Variants in ABHD2 observed in about 807,000 individuals in gnomAD.
ABHD2 encodes the protein monoacylglycerol lipase ABHD2.
In ABHD2, 20 loss-of-function variants were observed where a neutral mutation model predicts 48.1. That is an observed-to-expected ratio of 0.42 (90% CI 0.29 to 0.60). ABHD2 has a LOEUF of 0.60. Ranked by LOEUF, ABHD2 falls within the 20% of genes least tolerant of loss-of-function variation. The probability of loss-of-function intolerance (pLI) is 0.24; values close to 1 mark genes in which losing one functional copy is unlikely to be tolerated. For missense variants in ABHD2, 405 were observed against 550.9 expected, an observed-to-expected ratio of 0.74 and a Z score of 2.65; for synonymous variants, 209 against 214.2, an observed-to-expected ratio of 0.98 and a Z score of 0.21.
rs140681052 is a variant in ABHD2, at chr15:89,189,020, A to G, written c.926+717A>G. Among the ~76,000 whole-genome samples the G allele has an allele frequency of 2.1e-3, 323 of 152,246 alleles. 1 individual carries two copies. Among genetic ancestry groups the G allele is most frequent in the African/African-American group, 7.5e-3 (310 of 41,534 alleles). The stretch of plus-strand genomic sequence containing the variant: ...GTGAGACACAAATACTGCCCACTTC[A>G]TTCATCTACTCTTTATCTGCCTCTC... On this transcript the variant is annotated intron_variant, in intron 8 of 10. Coordinates refer to ENST00000352732, the MANE Select transcript of ABHD2 (RefSeq NM_152924.5). The surrounding 1 kb of genome is among the most constrained non-coding windows in gnomAD (Gnocchi z 4.9).
the ABHD2 span, among the ~76,000 whole-genome samples, chr15:89,076,680 C>T: frequency 3.1e-3 from 470 of 152,156 alleles, no homozygotes; most frequent in African/African-American, 0.011. Context: ...GATGAGGTCT[C>T]ACCATGTTGC....
the ABHD2 span, among the ~76,000 whole-genome samples, chr15:89,051,308 T>A: frequency 6.6e-6 from 1 of 152,198 alleles, no homozygotes; most frequent in African/African-American, 2.4e-5. Flanking sequence ...AAATCCTATA[T>A]ACCTCATACT....
At chr15:89,063,503 A>G in the ABHD2 span, among the ~76,000 whole-genome samples, 1 of 151,470 alleles carries the variant, frequency 6.6e-6, no homozygotes, top group African/African-American at 2.4e-5. Context: ...TTCTCAACTA[A>G]TCTCTGCCTC....
At chr15:89,172,385 G>T (rs1476170463) in intron 5 of ABHD2, among the ~76,000 whole-genome samples, 1 of 152,166 alleles carries the variant, frequency 6.6e-6, no homozygotes. Flanking sequence ...TTGTCCTTTT[G>T]TGAGTGGTTT....
chr15:89,095,894 G>T (rs1377646702), intron 1 of ABHD2, among the ~76,000 whole-genome samples: 1 of 152,136 alleles, frequency 6.6e-6, no homozygotes, highest in Admixed American at 6.5e-5. Flanking sequence ...ATAATATCAA[G>T]GTGCACCCAC....
chr15:89,056,967 G>T, the ABHD2 span, among the ~76,000 whole-genome samples: 1 of 136,612 alleles, frequency 7.3e-6, no homozygotes, highest in African/African-American at 2.7e-5. Context: ...AAGCTGGAGT[G>T]CAATGGCGCC....
the ABHD2 span, among the ~76,000 whole-genome samples, chr15:89,069,334 C>A: frequency 6.6e-6 from 1 of 151,830 alleles, no homozygotes; most frequent in African/African-American, 2.4e-5. Context: ...CACTATTTTT[C>A]CAAGGCTGGC....
At chr15:89,169,105 T>C (rs1025861839) in intron 5 of ABHD2, among the ~76,000 whole-genome samples, 3 of 151,914 alleles carry the variant, frequency 2.0e-5, no homozygotes, top group Non-Finnish European at 4.4e-5. Context: ...AAAATAAGAA[T>C]AAAAATAATA....
intron 1 of ABHD2, among the ~76,000 whole-genome samples, chr15:89,110,995 A>G (rs770966115): frequency 6.6e-6 from 1 of 152,324 alleles, no homozygotes; most frequent in East Asian, 1.9e-4. Context: ...GTAAGAGCAC[A>G]ATATATGTTA....
At chr15:89,078,725 C>CTTTTTTTTTTTTTTTT in the ABHD2 span, among the ~76,000 whole-genome samples, 1 of 143,678 alleles carries the variant, frequency 7.0e-6, no homozygotes, top group Non-Finnish European at 1.5e-5. Context: ...ACAATGTAGG[C>CTTTTTTTTTTTTTTTT]TTTTTTTTTT....
rs1215232103 is a variant in ABHD2 at position 89,137,158 on chromosome 15, A to T, written c.195-14519A>T. Among the ~76,000 whole-genome samples, 2 of 152,084 alleles carry T rather than the reference A, an allele frequency of 1.3e-5. No individual in the cohort carries two copies. Among genetic ancestry groups the T allele is most frequent in the Non-Finnish European group, 2.9e-5 (2 of 68,012 alleles). On this transcript the variant is annotated intron_variant, in intron 3 of 10. Coordinates refer to ENST00000352732, the MANE Select transcript of ABHD2 (RefSeq NM_152924.5). This position sits in a 1 kb window ranked among gnomAD's most constrained non-coding sequence, Gnocchi z 4.8. The stretch of plus-strand genomic sequence containing the variant: ...GGAACCCTGGAGACTGGAACTCTGG[A>T]GCTTCTTAATAAACTGCCTCCCTAC...
rs2050864943 is a variant in ABHD2 at position 89,168,133 on chromosome 15, G to A, written c.539-7679G>A. On this transcript the variant is annotated intron_variant, in intron 5 of 10. Transcript: ENST00000352732. This position sits in a 1 kb window ranked among gnomAD's most constrained non-coding sequence, Gnocchi z 4.8. ...GCTAGTGTCATTTGGGGAAGTGGCT[G>A]TTGAAATAATAGCTTTCAGGCAGCC... Among the ~76,000 whole-genome samples the A allele has an allele frequency of 6.6e-6, 1 of 152,192 alleles. No homozygotes were observed. The highest frequency in any genetic ancestry group is 6.5e-5 in the Admixed American group (1 of 15,282).
At position 89,175,227 on chromosome 15, in the gene ABHD2, C is replaced by T. The variant is rs553052388; in HGVS notation, c.539-585C>T. On this transcript the variant is annotated intron_variant, in intron 5 of 10. Coordinates refer to ENST00000352732, the MANE Select transcript of ABHD2 (RefSeq NM_152924.5). The surrounding 1 kb of genome is among the most constrained non-coding windows in gnomAD (Gnocchi z 5.7). ...GCTCTTGCATTTATTTATTTATTTA[C>T]TTATTTTATTTTTTTGAGACAGGGT... 6.6e-6 allele frequency among the ~76,000 whole-genome samples: 1 copy of T among 152,188 alleles called. No homozygotes were observed. Among genetic ancestry groups the T allele is most frequent in the Admixed American group, 6.5e-5 (1 of 15,284 alleles).
intron 3 of ABHD2, among the ~76,000 whole-genome samples, chr15:89,134,328 T>C (rs571319188): frequency 6.6e-6 from 1 of 152,356 alleles, no homozygotes; most frequent in African/African-American, 2.4e-5. Flanking sequence ...TTTATCCTGG[T>C]GTGAGGTGTG....
chr15:89,185,276 C>T lies in ABHD2; in HGVS notation c.723-148C>T, dbSNP rs1479965724. ...TCTCCACAGGTGTTTGAGCTCTGCACATTAGAGCCTCTGTTTTAATGCAGA... is the reference window on the plus strand; with the variant it reads ...TCTCCACAGGTGTTTGAGCTCTGCATATTAGAGCCTCTGTTTTAATGCAGA... On this transcript the variant is annotated intron_variant, in intron 6 of 10. Coordinates refer to ENST00000352732, the MANE Select transcript of ABHD2 (RefSeq NM_152924.5). This position sits in a 1 kb window ranked among gnomAD's most constrained non-coding sequence, Gnocchi z 5.9. 1 of 621,716 alleles carries T rather than the reference C, an allele frequency of 1.6e-6. No individual in the cohort carries two copies. The highest frequency in any genetic ancestry group is 2.8e-6 in the Non-Finnish European group (1 of 351,546). 38.5% of individuals were successfully genotyped at this position (621,716 alleles called of 1,614,324 possible).
At chr15:89,171,797 T>C (rs183275389) in intron 5 of ABHD2, among the ~76,000 whole-genome samples, 16 of 152,274 alleles carry the variant, frequency 1.1e-4, no homozygotes, top group African/African-American at 3.9e-4. Flanking sequence ...CCTCGTTCCT[T>C]AGAGCAGTGC....
At chr15:89,113,579 A>C (rs1057140468) in intron 1 of ABHD2, 146 bp from the exon 2 acceptor site, 50 of 152,254 alleles carry the variant, frequency 3.3e-4, no homozygotes, top group African/African-American at 1.2e-3. Flanking sequence ...AAAAAGGCCA[A>C]ACATTCAAGA....
chr15:89,153,641 C>G (rs190586578), intron 4 of ABHD2, among the ~76,000 whole-genome samples: 30 of 152,266 alleles, frequency 2.0e-4, no homozygotes, highest in Admixed American at 1.8e-3. Context: ...GTATTTGTAC[C>G]TAAGATGTAC....
In ABHD2 at chr15:89,137,169, A is replaced by C. The variant is rs7165269; in HGVS notation, c.195-14508A>C. Among the ~76,000 whole-genome samples the C allele has an allele frequency of 1.3e-5, 2 of 152,102 alleles. No homozygotes were observed. Among genetic ancestry groups the C allele is most frequent in the Non-Finnish European group, 2.9e-5 (2 of 68,016 alleles). ...GACTGGAACTCTGGAGCTTCTTAAT[A>C]AACTGCCTCCCTACTTAAAGCATGG... is the stretch of plus-strand genomic sequence containing the variant. On this transcript the variant is annotated intron_variant, in intron 3 of 10. Transcript: ENST00000352732. The surrounding 1 kb of genome is among the most constrained non-coding windows in gnomAD (Gnocchi z 4.8).
Sources: allele counts gnomAD v4.1 joint callset (sites outside exome capture counted in the v4.1 genomes callset), GRCh38; gene constraint gnomAD v4.1.1; non-coding constraint Gnocchi (gnomAD v3.1); transcripts MANE v1.5; gene names NCBI Gene and HGNC (gene_info 2026-07-23, HGNC 2026-07-21).